The following DNA2 variants were observed in gnomAD, a reference collection of about 807,000 sequenced individuals.
The protein encoded by DNA2 is DNA replication helicase/nuclease 2, also known as DNA replication ATP-dependent helicase/nuclease DNA2.
Under a neutral mutation model 119.1 loss-of-function variants are expected in DNA2, and 101 were observed. The observed-to-expected ratio is 0.85, with a 90% CI of 0.72 to 1.00. The LOEUF is 1.00. Among genes scored for constraint, DNA2 ranks in the 50% least tolerant of loss-of-function variants. The pLI is 0.00. For missense variants in DNA2, 1,121 were observed against 1,255.5 expected (o/e 0.89, Z 1.62); for synonymous variants, 366 against 424.4 (o/e 0.86, Z 1.69).
At chr10:68,470,944 ACTTATATTTATAG>A (rs1478419912) in intron 1 of DNA2, among the ~76,000 whole-genome samples, 1 of 152,212 alleles carries the variant, frequency 6.6e-6, no homozygotes, top group East Asian at 1.9e-4. Flanking sequence ...GAACTTTATT[ACTTATATTTATAG>A]TGGGTAAGTC....
intron 3 of DNA2, among the ~76,000 whole-genome samples, chr10:68,466,508 T>C (rs2052328475): frequency 6.6e-6 from 1 of 152,064 alleles, no homozygotes; most frequent in African/African-American, 2.4e-5. Context: ...AGCAGAGATT[T>C]TTGGCAAGGA....
At chr10:68,457,133 C>CA (rs113503197) in intron 5 of DNA2, among the ~76,000 whole-genome samples, 6,047 of 118,968 alleles carry the variant, frequency 0.051, 364 homozygotes, top group African/African-American at 0.16. Context: ...GACTCCATCT[C>CA]AAAAAAAAAA....
intron 3 of DNA2, among the ~76,000 whole-genome samples, chr10:68,466,328 A>G (rs1470343327): frequency 6.6e-6 from 1 of 152,180 alleles, no homozygotes; most frequent in East Asian, 1.9e-4. Flanking sequence ...ATTCTCAAAT[A>G]ATTAATATTT....
rs2052100382 is a variant in DNA2 at position 68,450,200 on chromosome 10, A to G, written c.767T>C (p.Val256Ala). The change falls in exon 6 of 21, where the codon GTG (valine) becomes GCG (alanine). Residue 256 changes from valine to alanine, a missense_variant. By Grantham distance (64) the Val-to-Ala change is moderately conservative (BLOSUM62 0). Coordinates refer to ENST00000358410, the MANE Select transcript of DNA2 (RefSeq NM_001080449.3). ...KDNSTCNIEVVKPMDIEESIW... is the reference protein window; with the variant it reads ...KDNSTCNIEVAKPMDIEESIW... ...GCTTTCTTCAATATCCATTGGTTTC[A>G]CGACTTCAATGTTACATGTTGAATT... The G allele has an allele frequency of 8.1e-6, 13 of 1,599,336 alleles. No homozygotes were observed. Among genetic ancestry groups the G allele is most frequent in the Non-Finnish European group, 1.1e-5 (13 of 1,172,224 alleles).
intron 1 of DNA2, 101 bp downstream of exon 1, chr10:68,471,690 C>T (rs2133454999): frequency 3.6e-6 from 5 of 1,396,638 alleles, no homozygotes; most frequent in Middle Eastern, 2.6e-4. Flanking sequence ...GGTCCCTGGG[C>T]CCCGGGCCCG....
intron 6 of DNA2, among the ~76,000 whole-genome samples, chr10:68,449,046 A>C (rs1050086919): frequency 9.3e-5 from 14 of 150,062 alleles, no homozygotes; most frequent in Non-Finnish European, 1.9e-4. Context: ...TGATCCACCC[A>C]CCTCGGCCTC....
At chr10:68,460,972 G>C (rs2052250691) in intron 4 of DNA2, among the ~76,000 whole-genome samples, 1 of 151,700 alleles carries the variant, frequency 6.6e-6, no homozygotes, top group South Asian at 2.1e-4. Context: ...CAGATAATTT[G>C]CTCTAATTCA....
chr10:68,415,433 T>C (rs2051576300), intron 20 of DNA2, among the ~76,000 whole-genome samples: 1 of 151,880 alleles, frequency 6.6e-6, no homozygotes, highest in Non-Finnish European at 1.5e-5. Context: ...TGTGCCACCA[T>C]GCCCGGCTAA....
chr10:68,465,924 G>T, intron 3 of DNA2, 112 bp from the exon 4 acceptor site: 2 of 1,010,016 alleles, frequency 2.0e-6, no homozygotes, highest in Non-Finnish European at 2.6e-6. Context: ...TAAGACAAAT[G>T]CCAAAATATT....
rs779702718 is a variant in DNA2, at chr10:68,446,311, G to A, written c.1042C>T (p.His348Tyr). The change falls in exon 7 of 21, where the codon CAT becomes TAT. Residue 348 changes from histidine to tyrosine, a missense_variant. Transcript: ENST00000358410. ...TGQMYPVPANHLDKRELLKLR... is the reference protein window; with the variant it reads ...TGQMYPVPANYLDKRELLKLR... ...ACGGCTCAACCTCTTTTATCTAGAT[G>A]GTTGGCAGGCACAGGGTACATCTGA... 1.3e-5 allele frequency: 21 copies of A among 1,582,438 alleles called. No homozygotes were observed. The South Asian group carries it at 2.4e-4, about 18-fold the overall frequency.
chr10:68,434,204 G>A (rs1205544739), intron 10 of DNA2, among the ~76,000 whole-genome samples: 1 of 152,128 alleles, frequency 6.6e-6, no homozygotes, highest in Non-Finnish European at 1.5e-5. Context: ...GAGCCTGGGA[G>A]GCAGAGGCTG....
At chr10:68,441,844 C>T (rs10695859) in intron 9 of DNA2, among the ~76,000 whole-genome samples, 4 of 151,832 alleles carry the variant, frequency 2.6e-5, no homozygotes, top group Admixed American at 1.3e-4. Context: ...CCAATATATA[C>T]AACAATTTAC....
chr10:68,465,931 TATTAAAAAA>T (rs1444900488), intron 3 of DNA2, 119 bp from the exon 4 acceptor site: 1 of 951,284 alleles, frequency 1.1e-6, no homozygotes, highest in African/African-American at 1.7e-5. Flanking sequence ...AATGCCAAAA[TATTAAAAAA>T]ATTTTTTTCT....
In DNA2 at chr10:68,416,840, T is replaced by C; in HGVS notation, c.2983A>G (p.Lys995Glu). 6.2e-7 allele frequency: 1 copy of C among 1,608,632 alleles called. No homozygotes were observed. Among genetic ancestry groups the C allele is most frequent in the Non-Finnish European group, 8.5e-7 (1 of 1,177,742 alleles). The change falls in exon 20 of 21, where the codon AAA becomes GAA. Residue 995 changes from lysine (K) to glutamate (E), a missense_variant. Lys to Glu is a moderately conservative substitution (Grantham distance 56). Transcript: ENST00000358410. ...GCAACATTAAGACGTCGCCAATCTT[T>C]CAAGAGTTCACCAACCTGTAAGAAA... ...NKDGTVGELL[K>E]DWRRLNVAIT...
chr10:68,460,434 T>TTTGA (rs1554909349), intron 4 of DNA2, among the ~76,000 whole-genome samples: 16 of 148,990 alleles, frequency 1.1e-4, no homozygotes, highest in African/African-American at 3.7e-4. Context: ...TTTTTTTTTT[T>TTTGA]GAGAGAGAGT....
At chr10:68,452,315 C>T (rs1227407409) in intron 5 of DNA2, among the ~76,000 whole-genome samples, 1 of 152,096 alleles carries the variant, frequency 6.6e-6, no homozygotes, top group African/African-American at 2.4e-5. Context: ...TCAACCAATC[C>T]TCTTGTCTTG....
At chr10:68,432,351 T>C (rs2051833718) in intron 11 of DNA2, 36 bp from the exon 12 acceptor site, 1 of 1,562,876 alleles carries the variant, frequency 6.4e-7, no homozygotes, top group South Asian at 1.2e-5. Context: ...TAATATTCCT[T>C]AGAAAAGTGG....
At chr10:68,424,724 C>G in intron 14 of DNA2, 3 of 1,589,482 alleles carry the variant, frequency 1.9e-6, no homozygotes, top group Non-Finnish European at 1.7e-6. Flanking sequence ...ACGACGAGGT[C>G]CAGGTAGTTC....
At chr10:68,424,580 G>T in intron 14 of DNA2, 1 of 1,045,060 alleles carries the variant, frequency 9.6e-7, no homozygotes, top group South Asian at 1.3e-5. Flanking sequence ...ATCCCTTCGT[G>T]AACTTGGACC....
Sources: allele counts gnomAD v4.1 joint callset (sites outside exome capture counted in the v4.1 genomes callset), GRCh38; gene constraint gnomAD v4.1.1; transcripts MANE v1.5; gene names NCBI Gene and HGNC (gene_info 2026-07-23, HGNC 2026-07-21).